POU2F2: variants seen among roughly 807,000 people sequenced by gnomAD.
POU2F2 encodes POU class 2 homeobox 2, also known as POU domain, class 2, transcription factor 2.
A neutral mutation model predicts 63.5 loss-of-function variants in POU2F2; 14 were observed. That is an observed-to-expected ratio of 0.22 (90% CI 0.15 to 0.34). POU2F2 has a LOEUF of 0.34. Ranked by LOEUF, POU2F2 falls within the 10% of genes least tolerant of loss-of-function variation. POU2F2 has a pLI of 1.00. For missense variants in POU2F2, 607 were observed against 815.2 expected, an observed-to-expected ratio of 0.74 and a Z score of 3.11; for synonymous variants, 306 against 348.6, an observed-to-expected ratio of 0.88 and a Z score of 1.36.
intron 1 of POU2F2, among the ~76,000 whole-genome samples, chr19:42,167,887 C>T (rs1262539467): frequency 6.6e-6 from 1 of 152,218 alleles, no homozygotes; most frequent in Non-Finnish European, 1.5e-5. Context: ...CTTGACAGGG[C>T]TTTGTCAGGG....
At chr19:42,177,870 C>T (rs2034914953), upstream of POU2F2, among the ~76,000 whole-genome samples, 1 of 151,580 alleles carries the variant, frequency 6.6e-6, no homozygotes, top group Admixed American at 6.6e-5. Context: ...ACAGAAGATG[C>T]AGAGGCAGAG....
chr19:42,091,857 C>T lies in POU2F2; in HGVS notation c.1540+10G>A. 2 of 1,538,796 alleles carry T rather than the reference C, an allele frequency of 1.3e-6. No homozygotes were observed. The highest frequency in any genetic ancestry group is 1.7e-6 in the Non-Finnish European group (2 of 1,146,892). On this transcript the variant is annotated intron_variant, in intron 14 of 14. Transcript: ENST00000692977. ...TGGTGACGATGGGTGTGACATGAGG[C>T]AGCACGCACCTTGGATAGTGGCCAA... is the stretch of plus-strand genomic sequence containing the variant.
At chr19:42,179,781 C>T (rs2034940052), upstream of POU2F2, among the ~76,000 whole-genome samples, 1 of 152,128 alleles carries the variant, frequency 6.6e-6, no homozygotes, top group African/African-American at 2.4e-5. Context: ...ACCCCGTGGG[C>T]GTACAAAGTA....
chr19:42,180,896 T>A (rs1005018094), upstream of POU2F2, among the ~76,000 whole-genome samples: 241 of 123,484 alleles, frequency 2.0e-3, 5 homozygotes, highest in East Asian at 0.046. Context: ...ACCCATCTAT[T>A]TTTTTTTTTT....
Position 42,122,160 on chromosome 19 carries a change from G to T in POU2F2, c.152C>A (p.Pro51Gln), listed in dbSNP as rs1281001978. ...GGGGCCAGTTGGGGACACGGAGAAT[G>T]GGGAGGTCTTATTTTGGGGGTTCTG... ...NHQNPQNKTS[P>Q]FSVSPTGPST... The change falls in exon 4 of 15, where the codon CCA (proline) becomes CAA (glutamine). Residue 51 changes from proline (P) to glutamine (Q), a missense_variant. Pro to Gln is a moderately conservative substitution (Grantham distance 76). Around this residue, in one of 7 missense-constraint regions of POU2F2, gnomAD observed 224 missense variants for 264.3 expected, o/e 0.85. Transcript: ENST00000692977. 5.0e-6 allele frequency: 8 copies of T among 1,613,404 alleles called. No homozygotes were observed. Among genetic ancestry groups the T allele is most frequent in the Non-Finnish European group, 6.8e-6 (8 of 1,179,586 alleles).
intron 1 of POU2F2, among the ~76,000 whole-genome samples, chr19:42,129,638 A>G (rs1276564941): frequency 6.6e-6 from 1 of 152,112 alleles, no homozygotes; most frequent in African/African-American, 2.4e-5. Context: ...GCCTGCTTCA[A>G]TTAGGGGTAT....
At chr19:42,187,773 A>C (rs1161417580) in intron 1 of POU2F2, among the ~76,000 whole-genome samples, 2 of 151,486 alleles carry the variant, frequency 1.3e-5, no homozygotes, top group Non-Finnish European at 2.9e-5. Context: ...AAAAAAAAAA[A>C]AAAAAAACAG....
Position 42,173,166 on chromosome 19 carries a change from T to C in POU2F2, c.-70+2797A>G, listed in dbSNP as rs140250989. ...AGTGAAATATATTTAGAAGGAGGAA[T>C]AGACATCCATCTGAGGAGGCCTTAC... On this transcript the variant is annotated intron_variant, in intron 1 of 6. Coordinates refer to the POU2F2 transcript ENST00000524801. 3.2e-4 allele frequency among the ~76,000 whole-genome samples: 49 copies of C among 152,262 alleles called. No individual in the cohort carries two copies. The East Asian group carries it at 7.1e-3, about 22-fold the overall frequency.
At chr19:42,163,162 G>A (rs2034584519) in intron 1 of POU2F2, among the ~76,000 whole-genome samples, 1 of 152,138 alleles carries the variant, frequency 6.6e-6, no homozygotes, top group African/African-American at 2.4e-5. Flanking sequence ...GCAAGGAGAA[G>A]GTACAGGAAC....
At chr19:42,126,944 T>C (rs2033252927) in intron 1 of POU2F2, among the ~76,000 whole-genome samples, 1 of 151,994 alleles carries the variant, frequency 6.6e-6, no homozygotes, top group Non-Finnish European at 1.5e-5. Flanking sequence ...GAGACAAGAG[T>C]CTTGCTCTGT....
At position 42,096,085 on chromosome 19, in the gene POU2F2, C is replaced by T. The variant is rs774742835; in HGVS notation, c.726G>A (p.Thr242=). ...FKQRRIKLGF[T]QGDVGLAMGK... ...AGCCTGCAAGGTGCCTCCAGACCTG[C>T]GTGAAGCCCAGCTTGATGCGGCGTT... is the stretch of plus-strand genomic sequence containing the variant. Residue 242 remains threonine, a synonymous_variant, in exon 8 of 15, where the codon ACG becomes ACA. Coordinates refer to ENST00000692977, the MANE Select transcript of POU2F2 (RefSeq NM_001394376.1). The surrounding 1 kb of genome is among the most constrained non-coding windows in gnomAD (Gnocchi z 4.1). 1.2e-6 allele frequency: 2 copies of T among 1,613,510 alleles called. No individual in the cohort carries two copies. The highest frequency in any genetic ancestry group is 1.7e-6 in the Non-Finnish European group (2 of 1,179,734).
intron 1 of POU2F2, among the ~76,000 whole-genome samples, chr19:42,174,857 A>G (rs1443040893): frequency 1.3e-5 from 2 of 152,006 alleles, no homozygotes; most frequent in Non-Finnish European, 2.9e-5. Context: ...AAGAGACTAA[A>G]AGCTACTGAG....
Position 42,096,224 on chromosome 19 carries a change from A to T in POU2F2, c.587T>A (p.Leu196Gln), listed in dbSNP as rs550561565. The T allele has an allele frequency of 6.4e-7, 1 of 1,555,650 alleles. No individual in the cohort carries two copies. The highest frequency in any genetic ancestry group is 1.1e-5 in the South Asian group (1 of 88,206). The change falls in exon 8 of 15, where the codon CTG (leucine) becomes CAG (glutamine). Residue 196 changes from leucine to glutamine, a missense_variant. By Grantham distance (113) the Leu-to-Gln change is moderately radical (BLOSUM62 -2). This residue lies in a region of POU2F2 where 224 missense variants were observed against 264.3 expected (regional missense o/e 0.85). Transcript: ENST00000692977. The surrounding 1 kb of genome is among the most constrained non-coding windows in gnomAD (Gnocchi z 4.1). ...CGGGTGCGAGAGGTGCGGGTCGGGC[A>T]GCGTAGGGCGGGTCACGGCCTGGTG... ...LPTQAVTRPTLPDPHLSHPQP... is the reference protein window; with the variant it reads ...LPTQAVTRPTQPDPHLSHPQP...
chr19:42,092,010 A>C lies in POU2F2; in HGVS notation c.1466+59T>G, dbSNP rs1599916538. The C allele has an allele frequency of 6.5e-7, 1 of 1,546,996 alleles. No individual in the cohort carries two copies. Among genetic ancestry groups the C allele is most frequent in the Admixed American group, 2.0e-5 (1 of 49,424 alleles). On this transcript the variant is annotated intron_variant, in intron 13 of 14. Coordinates refer to ENST00000692977, the MANE Select transcript of POU2F2 (RefSeq NM_001394376.1). This position sits in a 1 kb window ranked among gnomAD's most constrained non-coding sequence, Gnocchi z 5.0. Reference sequence around the variant, plus strand: ...CAACATAACTGGGGTGCCGCTCCCCACCCTAGAAGCAGCAGCGACCCTGCT... The same window carrying C: ...CAACATAACTGGGGTGCCGCTCCCCCCCCTAGAAGCAGCAGCGACCCTGCT...
chr19:42,160,652 T>C (rs1208177458), intron 1 of POU2F2, among the ~76,000 whole-genome samples: 6 of 152,220 alleles, frequency 3.9e-5, no homozygotes, highest in Admixed American at 3.9e-4. Flanking sequence ...CATCTGTTTT[T>C]CCCATCAGAC....
At chr19:42,178,625 C>G (rs1234761974), upstream of POU2F2, among the ~76,000 whole-genome samples, 1 of 151,928 alleles carries the variant, frequency 6.6e-6, no homozygotes, top group East Asian at 1.9e-4. Flanking sequence ...TTGACAGAGA[C>G]CAAAAGATAC....
chr19:42,151,362 G>A (rs2034347430), intron 2 of POU2F2, among the ~76,000 whole-genome samples: 1 of 152,034 alleles, frequency 6.6e-6, no homozygotes. Context: ...CTCGGGTCAA[G>A]GCTAAGGTGA....
At chr19:42,134,188 G>A (rs984940424), upstream of POU2F2, among the ~76,000 whole-genome samples, 2 of 143,498 alleles carry the variant, frequency 1.4e-5, no homozygotes, top group Admixed American at 7.1e-5. Flanking sequence ...GTTTTGGGGG[G>A]CTTGGAAATG....
At chr19:42,150,645 C>T (rs1016936740) in intron 2 of POU2F2, among the ~76,000 whole-genome samples, 2 of 151,518 alleles carry the variant, frequency 1.3e-5, no homozygotes, top group African/African-American at 4.8e-5. Context: ...CCCCCCTGCA[C>T]CCCCCTCCCT....
Sources: gnomAD v4.1 joint callset for allele counts (sites outside exome capture counted in the v4.1 genomes callset) on GRCh38, gnomAD v4.1.1 for gene constraint, gnomAD v4.1.1 regional missense constraint, Gnocchi (gnomAD v3.1) non-coding constraint, MANE v1.5 for transcripts, NCBI Gene and HGNC (gene_info 2026-07-23, HGNC 2026-07-21) for gene names.